The following SLC35F1 variants were observed in gnomAD, a reference collection of about 807,000 sequenced individuals.
SLC35F1 encodes the protein solute carrier family 35 member F1.
Under a neutral mutation model 48.7 loss-of-function variants are expected in SLC35F1, and 14 were observed. The ratio of observed to expected loss-of-function variants is 0.29; its 90% CI spans 0.19 to 0.45. The LOEUF is 0.45. Among genes scored for constraint, SLC35F1 ranks in the 20% least tolerant of loss-of-function variants. The pLI is 1.00. For synonymous variants in SLC35F1, 190 were observed against 202.2 expected (o/e 0.94, Z 0.51); for missense variants, 404 against 500.0 (o/e 0.81, Z 1.83).
chr6:117,940,759 C>A (rs1338975), intron 1 of SLC35F1, among the ~76,000 whole-genome samples: 115,607 of 151,730 alleles, frequency 0.76, 44,271 homozygotes, highest in South Asian at 0.89. Flanking sequence ...GGTGAACCTC[C>A]CACCTCAGCC....
At chr6:117,970,816 A>G (rs1018167737) in intron 1 of SLC35F1, among the ~76,000 whole-genome samples, 2 of 152,120 alleles carry the variant, frequency 1.3e-5, no homozygotes, top group Admixed American at 6.5e-5. Context: ...ACTCGCCCCT[A>G]TGTTTCAATT....
chr6:118,137,170 C>A (rs531335727), intron 1 of SLC35F1, among the ~76,000 whole-genome samples: 1 of 152,162 alleles, frequency 6.6e-6, no homozygotes, highest in East Asian at 1.9e-4. Flanking sequence ...TCTTTTCTGC[C>A]CCTTCCACAT....
Position 118,035,712 on chromosome 6 carries a change from C to T in SLC35F1, c.174-118733C>T, listed in dbSNP as rs761244026. ...TTTTTTTTTTTTTTTTTTTTTGAGA[C>T]GGAGTCTCGCTCTGTCACCCAGGCT... On this transcript the variant is annotated intron_variant, in intron 1 of 7. Transcript: ENST00000360388. Among the ~76,000 whole-genome samples the T allele has an allele frequency of 9.0e-4, 88 of 97,750 alleles. 1 individual carries two copies. The highest frequency in any genetic ancestry group is 1.3e-3 in the Non-Finnish European group (69 of 53,146). 64.1% of individuals were successfully genotyped at this position (97,750 alleles called of 152,430 possible). A position where few individuals can be genotyped will look rare whatever the true frequency, so the allele number is the denominator to read the frequency against.
intron 1 of SLC35F1, among the ~76,000 whole-genome samples, chr6:117,932,560 A>G (rs1433284340): frequency 6.6e-6 from 1 of 152,310 alleles, no homozygotes; most frequent in East Asian, 1.9e-4. Flanking sequence ...AAGATGAAAA[A>G]TGTTAGATAA....
chr6:117,976,781 T>A (rs1049769500), intron 1 of SLC35F1, among the ~76,000 whole-genome samples: 26 of 152,180 alleles, frequency 1.7e-4, no homozygotes, highest in Admixed American at 4.6e-4. Context: ...AGGCAAAGTA[T>A]TTAAAGGAAA....
chr6:118,247,711 C>T (rs1250888286), intron 3 of SLC35F1, among the ~76,000 whole-genome samples: 1 of 147,540 alleles, frequency 6.8e-6, no homozygotes, highest in African/African-American at 2.7e-5. Context: ...CACAAAGTTT[C>T]CTACTTAAAT....
intron 1 of SLC35F1, among the ~76,000 whole-genome samples, chr6:118,085,906 G>T (rs1292151957): frequency 6.6e-6 from 1 of 151,988 alleles, no homozygotes; most frequent in Non-Finnish European, 1.5e-5. Flanking sequence ...TTTCATAGTG[G>T]TTCTATGCTG....
At chr6:117,918,749 A>G (rs967562753) in intron 1 of SLC35F1, among the ~76,000 whole-genome samples, 1 of 152,186 alleles carries the variant, frequency 6.6e-6, no homozygotes, top group Admixed American at 6.5e-5. Flanking sequence ...ATGAACTCAG[A>G]TCTGTGCCCA....
intron 1 of SLC35F1, among the ~76,000 whole-genome samples, chr6:118,101,639 A>G (rs1364341532): frequency 6.6e-6 from 1 of 152,170 alleles, no homozygotes; most frequent in Non-Finnish European, 1.5e-5. Flanking sequence ...AGAAGAAGCA[A>G]TCTTCCATGA....
intron 2 of SLC35F1, among the ~76,000 whole-genome samples, chr6:118,161,419 TC>T (rs1774231088): frequency 6.6e-6 from 1 of 152,126 alleles, no homozygotes. Flanking sequence ...ACTGACTAAA[TC>T]ACTGAGAAGG....
chr6:118,255,334 A>T (rs560945023), intron 3 of SLC35F1, among the ~76,000 whole-genome samples: 1 of 152,288 alleles, frequency 6.6e-6, no homozygotes, highest in Admixed American at 6.5e-5. Flanking sequence ...CACTCAGTAA[A>T]TGTTAATTCC....
At position 118,076,289 on chromosome 6, in the gene SLC35F1, A is replaced by G. The variant is rs578112886; in HGVS notation, c.174-78156A>G. 5.3e-5 allele frequency among the ~76,000 whole-genome samples: 8 copies of G among 152,284 alleles called. No homozygotes were observed. The South Asian group carries it at 1.5e-3, about 28-fold the overall frequency. ...TTTATTAAGAATTTACCTTTAACCT[A>G]TTTATGAGGTGGGAAGTTTTATCTA... On this transcript the variant is annotated intron_variant, in intron 1 of 7. Coordinates refer to ENST00000360388, the MANE Select transcript of SLC35F1 (RefSeq NM_001029858.4).
chr6:118,064,903 C>T (rs1772591807), intron 1 of SLC35F1, among the ~76,000 whole-genome samples: 2 of 152,080 alleles, frequency 1.3e-5, no homozygotes, highest in African/African-American at 4.8e-5. Context: ...ATGAATTGAA[C>T]TACCCAAAAC....
intron 4 of SLC35F1, among the ~76,000 whole-genome samples, chr6:118,268,582 A>ATGTG (rs1366252399): frequency 3.9e-5 from 4 of 101,374 alleles, no homozygotes; most frequent in Admixed American, 3.0e-4. Flanking sequence ...AGTCATATAT[A>ATGTG]TGTATATATA....
intron 1 of SLC35F1, among the ~76,000 whole-genome samples, chr6:117,950,152 C>T (rs1776345375): frequency 6.6e-6 from 1 of 152,116 alleles, no homozygotes; most frequent in Non-Finnish European, 1.5e-5. Context: ...CTTTAATAAG[C>T]TGGTAGAGAT....
chr6:118,055,819 T>C (rs897570632), intron 1 of SLC35F1, among the ~76,000 whole-genome samples: 1 of 152,186 alleles, frequency 6.6e-6, no homozygotes, highest in Non-Finnish European at 1.5e-5. Context: ...GCTACTACAT[T>C]TATTGATGAG....
At chr6:117,948,888 A>G (rs1320960681) in intron 1 of SLC35F1, among the ~76,000 whole-genome samples, 1 of 152,138 alleles carries the variant, frequency 6.6e-6, no homozygotes, top group African/African-American at 2.4e-5. Context: ...GGACTAAGAC[A>G]GCAAAAGATA....
intron 1 of SLC35F1, among the ~76,000 whole-genome samples, chr6:117,950,509 T>C (rs193269597): frequency 1.7e-4 from 26 of 152,320 alleles, no homozygotes; most frequent in Non-Finnish European, 3.8e-4. Context: ...TTGAGTACTC[T>C]GTACCAGCTG....
chr6:117,923,763 G>GTATATATACATATATGTCCATATATA (rs1775969946), intron 1 of SLC35F1, among the ~76,000 whole-genome samples: 1 of 18,080 alleles, frequency 5.5e-5, no homozygotes, highest in Non-Finnish European at 9.5e-5. Flanking sequence ...ATATACATAT[G>GTATATATACATATATGTCCATATATA]CACATACATA....
Sources: allele counts gnomAD v4.1 joint callset (sites outside exome capture counted in the v4.1 genomes callset), GRCh38; gene constraint gnomAD v4.1.1; transcripts MANE v1.5; gene names NCBI Gene and HGNC (gene_info 2026-07-23, HGNC 2026-07-21).